Variants in SUGCT observed in about 807,000 individuals in gnomAD.
SUGCT encodes the protein succinyl-CoA:glutarate-CoA transferase, also known as succinyl-CoA:glutarate CoA-transferase.
Under a neutral mutation model 55.0 loss-of-function variants are expected in SUGCT, and 41 were observed. The observed-to-expected ratio is 0.74, with a 90% confidence interval of 0.58 to 0.97. SUGCT has a LOEUF of 0.97. Among genes scored for constraint, SUGCT ranks in the 50% least tolerant of loss-of-function variants. The pLI, the probability that SUGCT is intolerant of heterozygous loss-of-function variation, is 0.00. For missense variants in SUGCT, 568 were observed against 547.8 expected (o/e 1.04, Z -0.37); for synonymous variants, 187 against 200.4 (o/e 0.93, Z 0.56).
chr7:40,154,551 C>T (rs933694913), intron 1 of SUGCT, among the ~76,000 whole-genome samples: 15 of 151,886 alleles, frequency 9.9e-5, no homozygotes, highest in Non-Finnish European at 1.6e-4. Context: ...CCATGTTGCC[C>T]AGGCTGGTCT....
chr7:40,321,075 TTTC>T (rs1185240177), intron 9 of SUGCT, among the ~76,000 whole-genome samples: 1 of 147,514 alleles, frequency 6.8e-6, no homozygotes, highest in African/African-American at 2.5e-5. Context: ...TCTTTCTTTC[TTTC>T]TTTTTTTTTT....
the SUGCT span, among the ~76,000 whole-genome samples, chr7:40,950,104 C>G: frequency 6.6e-6 from 1 of 152,138 alleles, no homozygotes; most frequent in African/African-American, 2.4e-5. Flanking sequence ...GATGTTCTTC[C>G]ATTTGTTTGT....
At chr7:40,362,376 G>A (rs993564685) in intron 9 of SUGCT, among the ~76,000 whole-genome samples, 4 of 152,058 alleles carry the variant, frequency 2.6e-5, no homozygotes, top group Admixed American at 1.3e-4. Flanking sequence ...CCAAGATGGC[G>A]TCACTGCACT....
At chr7:40,854,401 TTCTTTCTTTCTTTCTTTC>T (rs1794023855) in intron 13 of SUGCT, among the ~76,000 whole-genome samples, 1 of 106,466 alleles carries the variant, frequency 9.4e-6, no homozygotes, top group Non-Finnish European at 1.9e-5. Flanking sequence ...ATTTTTTTCT[TTCTTTCTTTCTTTCTTTC>T]CTTTCTTTCT....
chr7:40,151,444 C>G (rs1457682606), intron 1 of SUGCT, among the ~76,000 whole-genome samples: 2 of 152,202 alleles, frequency 1.3e-5, no homozygotes, highest in African/African-American at 4.8e-5. Context: ...AGATTGTATT[C>G]ACAGTGACTG....
intron 12 of SUGCT, among the ~76,000 whole-genome samples, chr7:40,622,531 T>G (rs1220752302): frequency 1.4e-5 from 2 of 147,716 alleles, no homozygotes; most frequent in South Asian, 2.2e-4. Context: ...TGTGGTTGTT[T>G]TTTTTTTTTT....
chr7:40,516,393 A>T (rs1259974141), intron 12 of SUGCT, among the ~76,000 whole-genome samples: 2 of 152,158 alleles, frequency 1.3e-5, no homozygotes, highest in African/African-American at 2.4e-5. Context: ...TGCTTTTGGT[A>T]TCATATCCAA....
At chr7:40,731,546 T>C (rs1349080344) in intron 12 of SUGCT, among the ~76,000 whole-genome samples, 1 of 152,188 alleles carries the variant, frequency 6.6e-6, no homozygotes, top group African/African-American at 2.4e-5. Flanking sequence ...AATAATTACA[T>C]CTTAGAAATG....
intron 9 of SUGCT, among the ~76,000 whole-genome samples, chr7:40,413,619 C>G (rs1262016205): frequency 6.6e-6 from 1 of 152,040 alleles, no homozygotes; most frequent in Admixed American, 6.6e-5. Context: ...TGAGAAAGCT[C>G]ACTCCACATA....
intron 9 of SUGCT, among the ~76,000 whole-genome samples, chr7:40,414,120 C>G (rs1312933100): frequency 6.6e-6 from 1 of 152,078 alleles, no homozygotes; most frequent in Non-Finnish European, 1.5e-5. Context: ...AATAGATTAT[C>G]AGGAATGAGA....
At chr7:40,939,754 G>A in the SUGCT span, among the ~76,000 whole-genome samples, 1 of 151,912 alleles carries the variant, frequency 6.6e-6, no homozygotes, top group Non-Finnish European at 1.5e-5. Flanking sequence ...TTGCTGATTT[G>A]AGTTCCTTGT....
At chr7:40,788,417 G>A (rs1489224456) in intron 13 of SUGCT, among the ~76,000 whole-genome samples, 1 of 152,302 alleles carries the variant, frequency 6.6e-6, no homozygotes, top group South Asian at 2.1e-4. Flanking sequence ...CTGCACAGAC[G>A]TTGGAATTAC....
At chr7:40,426,800 TTTA>T (rs1470342137) in intron 9 of SUGCT, among the ~76,000 whole-genome samples, 1 of 152,102 alleles carries the variant, frequency 6.6e-6, no homozygotes, top group Non-Finnish European at 1.5e-5. Flanking sequence ...GCACATTTAA[TTTA>T]TTATTTTTTA....
At chr7:40,864,655 GA>G (rs969135612), downstream of SUGCT, among the ~76,000 whole-genome samples, 3 of 151,898 alleles carry the variant, frequency 2.0e-5, no homozygotes, top group African/African-American at 7.2e-5. Context: ...ACACACTAGG[GA>G]AAACAAGTAC....
chr7:41,031,137 T>C, the SUGCT span, among the ~76,000 whole-genome samples: 1 of 152,078 alleles, frequency 6.6e-6, no homozygotes. Flanking sequence ...AATTTTTAAA[T>C]TTTGTGTAGA....
chr7:40,671,449 A>C (rs1170716179), intron 12 of SUGCT, among the ~76,000 whole-genome samples: 1 of 152,208 alleles, frequency 6.6e-6, no homozygotes, highest in African/African-American at 2.4e-5. Flanking sequence ...AGAAAATAAA[A>C]TGGTCTTTGT....
chr7:40,395,698 C>G (rs1475654949), intron 9 of SUGCT, among the ~76,000 whole-genome samples: 1 of 151,978 alleles, frequency 6.6e-6, no homozygotes, highest in Non-Finnish European at 1.5e-5. Context: ...TCTGTTGTCT[C>G]AGGGACCTTT....
intron 9 of SUGCT, among the ~76,000 whole-genome samples, chr7:40,323,286 A>G (rs1310760539): frequency 1.3e-5 from 2 of 152,076 alleles, no homozygotes; most frequent in Non-Finnish European, 2.9e-5. Flanking sequence ...GGTGTTTCTC[A>G]AAGTTTAAAG....
intron 9 of SUGCT, among the ~76,000 whole-genome samples, chr7:40,443,026 T>C (rs1788605260): frequency 6.6e-6 from 1 of 152,170 alleles, no homozygotes; most frequent in South Asian, 2.1e-4. Context: ...TCCAGCTTCA[T>C]CCATGTCCCT....
Sources: allele counts gnomAD v4.1 joint callset (sites outside exome capture counted in the v4.1 genomes callset), GRCh38; gene constraint gnomAD v4.1.1; transcripts MANE v1.5; gene names NCBI Gene and HGNC (gene_info 2026-07-23, HGNC 2026-07-21).